The following EZH1 variants were observed in gnomAD, a reference collection of about 807,000 sequenced individuals.
EZH1 encodes the protein histone-lysine N-methyltransferase EZH1.
EZH1 carries 33 observed loss-of-function variants against 100.5 expected under a neutral mutation model. The observed-to-expected ratio is 0.33, with a 90% CI of 0.25 to 0.44. EZH1 has a LOEUF of 0.44. Among genes scored for constraint, EZH1 ranks in the 20% least tolerant of loss-of-function variants. The pLI, the probability that EZH1 is intolerant of heterozygous loss-of-function variation, is 1.00. For synonymous variants in EZH1, 272 were observed against 313.8 expected, an observed-to-expected ratio of 0.87 and a Z score of 1.41; for missense variants, 475 against 928.4, an observed-to-expected ratio of 0.51 and a Z score of 6.35.
At chr17:42,728,677 G>A in intron 3 of EZH1, 148 bp downstream of exon 3, 1 of 678,650 alleles carries the variant, frequency 1.5e-6, no homozygotes, top group South Asian at 2.3e-5. Flanking sequence ...GCGAGGTGGA[G>A]CTTGCAGTAA....
intron 13 of EZH1, chr17:42,709,211 A>C: frequency 2.6e-6 from 1 of 391,560 alleles, no homozygotes; most frequent in Non-Finnish European, 4.7e-6. Flanking sequence ...TTATAAAGCT[A>C]TTGTTTCTCT....
intron 17 of EZH1, 138 bp from the exon 18 acceptor site, chr17:42,704,821 T>C (rs1484424548): frequency 2.8e-6 from 2 of 726,258 alleles, no homozygotes; most frequent in African/African-American, 3.6e-5. Context: ...AGAGAGCAAG[T>C]TCAAGTTATG....
intron 18 of EZH1, 91 bp from the exon 19 acceptor site, chr17:42,703,911 A>T: frequency 1.1e-6 from 1 of 928,810 alleles, no homozygotes; most frequent in Non-Finnish European, 1.8e-6. Context: ...ATGGTAACAG[A>T]AACACTTTAG....
At chr17:42,715,974 G>A (rs1394247810) in intron 10 of EZH1, among the ~76,000 whole-genome samples, 1 of 151,704 alleles carries the variant, frequency 6.6e-6, no homozygotes, top group Non-Finnish European at 1.5e-5. Context: ...TTGAACCCGG[G>A]AGGTGGAGAT....
intron 1 of EZH1, among the ~76,000 whole-genome samples, chr17:42,732,266 T>A (rs2143851380): frequency 6.6e-6 from 1 of 152,252 alleles, no homozygotes; most frequent in African/African-American, 2.4e-5. Context: ...AGTTTGAGAT[T>A]AGCTTGGCCA....
chr17:42,711,527 C>T (rs936461261), intron 12 of EZH1, among the ~76,000 whole-genome samples: 1 of 151,452 alleles, frequency 6.6e-6, no homozygotes, highest in Non-Finnish European at 1.5e-5. Flanking sequence ...CCTGTAATCC[C>T]AGTTGCTTGG....
intron 18 of EZH1, 68 bp downstream of exon 18, chr17:42,704,534 C>T (rs767951173): frequency 6.1e-6 from 8 of 1,309,282 alleles, no homozygotes; most frequent in East Asian, 2.3e-5. Context: ...GGCAACAGAG[C>T]AAGACTCCGT....
chr17:42,707,966 T>C lies in EZH1; in HGVS notation c.1652A>G (p.Asn551Ser). 6.2e-7 allele frequency: 1 copy of C among 1,613,232 alleles called. No individual in the cohort carries two copies. Among genetic ancestry groups the C allele is most frequent in the Non-Finnish European group, 8.5e-7 (1 of 1,179,824 alleles). The change falls in exon 15 of 21, where the codon AAC becomes AGC. Residue 551 changes from asparagine to serine, a missense_variant. By Grantham distance (46) the Asn-to-Ser change is conservative. Around this residue, in one of 8 missense-constraint regions of EZH1, gnomAD observed 17 missense variants for 75.8 expected, o/e 0.22. Coordinates refer to ENST00000428826, the MANE Select transcript of EZH1 (RefSeq NM_001991.5). ...QNFCEKFCQCNPDCQNRFPGC... is the reference protein window; with the variant it reads ...QNFCEKFCQCSPDCQNRFPGC... ...AAACGTAGCACACTTACAGTCTGGG[T>C]TGCACTGGCAGAACTTCTCACAGAA...
intron 3 of EZH1, among the ~76,000 whole-genome samples, chr17:42,728,469 C>T (rs1228663963): frequency 7.0e-6 from 1 of 143,662 alleles, no homozygotes; most frequent in African/African-American, 2.5e-5. Flanking sequence ...GGGCCAGGCG[C>T]GGTGGCTCAC....
chr17:42,710,463 G>T (rs1424230423), intron 12 of EZH1, among the ~76,000 whole-genome samples: 1 of 152,138 alleles, frequency 6.6e-6, no homozygotes, highest in African/African-American at 2.4e-5. Context: ...TTGGCCCTTT[G>T]TGGGGGATCT....
At chr17:42,715,020 T>C (rs1003167091) in intron 10 of EZH1, among the ~76,000 whole-genome samples, 5 of 139,678 alleles carry the variant, frequency 3.6e-5, no homozygotes, top group Admixed American at 2.3e-4. Flanking sequence ...AAAATATATA[T>C]AATTTATGTA....
intron 1 of EZH1, among the ~76,000 whole-genome samples, chr17:42,736,780 G>A (rs1045064131): frequency 6.6e-6 from 1 of 151,804 alleles, no homozygotes; most frequent in African/African-American, 2.4e-5. Flanking sequence ...ATTGCAGGGA[G>A]GTAGAGATTG....
At chr17:42,732,140 CAA>C (rs545837299) in intron 1 of EZH1, among the ~76,000 whole-genome samples, 14 of 132,244 alleles carry the variant, frequency 1.1e-4, no homozygotes, top group Admixed American at 3.1e-4. Context: ...AAAACAAAAC[CAA>C]AAAAAAAAAA....
In EZH1 at chr17:42,706,490, G is replaced by A. The variant is rs1322822962; in HGVS notation, c.1661-305C>T. On this transcript the variant is annotated intron_variant, in intron 15 of 20. Transcript: ENST00000428826. The surrounding 1 kb of genome is among the most constrained non-coding windows in gnomAD (Gnocchi z 4.4). Reference sequence around the variant, plus strand: ...ACCTGAGCCCAGGAGTTCAAAACCAGGCTGGGCAACATAGGGAGATCCTGT... The same window carrying A: ...ACCTGAGCCCAGGAGTTCAAAACCAAGCTGGGCAACATAGGGAGATCCTGT... 6.6e-6 allele frequency among the ~76,000 whole-genome samples: 1 copy of A among 151,724 alleles called. No individual in the cohort carries two copies. Among genetic ancestry groups the A allele is most frequent in the African/African-American group, 2.4e-5 (1 of 41,290 alleles).
intron 17 of EZH1, 121 bp downstream of exon 17, chr17:42,704,967 C>T: frequency 1.2e-6 from 1 of 855,562 alleles, no homozygotes; most frequent in South Asian, 1.6e-5. Context: ...CCCCAAGAGG[C>T]CACGTGAGAA....
At chr17:42,713,101 G>T (rs535105025) in intron 11 of EZH1, 108 bp downstream of exon 11, 11 of 780,660 alleles carry the variant, frequency 1.4e-5, no homozygotes, top group Non-Finnish European at 1.9e-5. Flanking sequence ...CTTGTAGAAA[G>T]AATTTATAAT....
rs1345682259 is a variant in EZH1 at position 42,709,906 on chromosome 17, A to G, written c.1433T>C (p.Ile478Thr). Residue 478 changes from isoleucine to threonine, a missense_variant, in exon 13 of 21, where the codon ATC becomes ACC. Ile to Thr is a moderately conservative substitution (Grantham distance 89). Around this residue, in one of 8 missense-constraint regions of EZH1, gnomAD observed 83 missense variants for 142.1 expected, o/e 0.58. Transcript: ENST00000428826. ...GAGCTCATCTGTTGGCAGCTTCAGG[A>G]TAAGTGATTCTTTGACTGCAAACTG... ...VFQFAVKESL[I>T]LKLPTDELMN... The G allele has an allele frequency of 1.2e-6, 2 of 1,614,002 alleles. No individual in the cohort carries two copies. The highest frequency in any genetic ancestry group is 1.7e-6 in the Non-Finnish European group (2 of 1,180,004).
rs73983747 is a variant in EZH1, at chr17:42,703,012, T to C, written c.2099-51A>G. ...AGGTTCCTACCCAACTCCAAGTCAA[T>C]AACCAGTAGGCTTCTGGGTTGATTT... On this transcript the variant is annotated intron_variant, in intron 19 of 20. Coordinates refer to ENST00000428826, the MANE Select transcript of EZH1 (RefSeq NM_001991.5). The C allele has an allele frequency of 8.0e-3, 12,487 of 1,553,428 alleles. 644 individuals carry two copies. In the African/African-American group the frequency reaches 0.12, roughly 15 times the overall value.
In EZH1 at chr17:42,742,456, C is replaced by T. The variant is rs963902332; in HGVS notation, c.-103+2555G>A. Among the ~76,000 whole-genome samples the T allele has an allele frequency of 3.3e-5, 5 of 152,024 alleles. No individual in the cohort carries two copies. The East Asian group carries it at 9.6e-4, about 29-fold the overall frequency. On this transcript the variant is annotated intron_variant, in intron 1 of 20. Coordinates refer to ENST00000428826, the MANE Select transcript of EZH1 (RefSeq NM_001991.5). Reference sequence around the variant, plus strand: ...ATCAGCCCAGCCTCTAGTGCTGTTTCAAAGGGCACTAATGTAACCATCATA... The same window carrying T: ...ATCAGCCCAGCCTCTAGTGCTGTTTTAAAGGGCACTAATGTAACCATCATA...
Sources: allele counts gnomAD v4.1 joint callset (sites outside exome capture counted in the v4.1 genomes callset), GRCh38; gene constraint gnomAD v4.1.1; regional missense constraint gnomAD v4.1.1; non-coding constraint Gnocchi (gnomAD v3.1); transcripts MANE v1.5; gene names NCBI Gene and HGNC (gene_info 2026-07-23, HGNC 2026-07-21).